Variants in PHF2 observed in about 807,000 individuals in gnomAD.
The protein encoded by PHF2 is PHD finger protein 2.
In PHF2, 27 loss-of-function variants were observed where a neutral mutation model predicts 120.5. The observed-to-expected ratio is 0.22, with a 90% confidence interval of 0.17 to 0.31. The LOEUF (loss-of-function observed/expected upper bound fraction) is 0.31. PHF2 is among the 10% of genes least tolerant of loss of function. The probability of loss-of-function intolerance (pLI) is 1.00; values close to 1 mark genes in which losing one functional copy is unlikely to be tolerated. For synonymous variants in PHF2, 568 were observed against 592.5 expected, an observed-to-expected ratio of 0.96 and a Z score of 0.60; for missense variants, 1,024 against 1,434.8, an observed-to-expected ratio of 0.71 and a Z score of 4.63.
In PHF2 at chr9:93,673,779, G is replaced by A. The variant is rs1170356168; in HGVS notation, c.2543G>A (p.Arg848Lys). 1.7e-5 allele frequency: 27 copies of A among 1,613,448 alleles called. No homozygotes were observed. Among genetic ancestry groups the A allele is most frequent in the Non-Finnish European group, 2.2e-5 (26 of 1,179,740 alleles). ...AGTGCAGGCAAACGACTGCTGAAGA[G>A]GGCTGCCAAGAACAGTGTCGACCTG... ...GKSAGKRLLK[R>K]AAKNSVDLDD... The change falls in exon 18 of 22, where the codon AGG becomes AAG. Residue 848 changes from arginine (R) to lysine (K), a missense_variant. Coordinates refer to ENST00000359246, the MANE Select transcript of PHF2 (RefSeq NM_005392.4).
intron 1 of PHF2, among the ~76,000 whole-genome samples, chr9:93,623,828 C>T (rs1298127487): frequency 6.6e-6 from 1 of 152,214 alleles, no homozygotes; most frequent in African/African-American, 2.4e-5. Context: ...TTTTTCTGGG[C>T]TTCATGCTCT....
Position 93,660,232 on chromosome 9 carries a change from C to T in PHF2, c.1370C>T (p.Ala457Val), listed in dbSNP as rs775514480. The T allele has an allele frequency of 6.3e-7, 1 of 1,594,220 alleles. No homozygotes were observed. The highest frequency in any genetic ancestry group is 2.2e-5 in the East Asian group (1 of 44,706). Residue 457 changes from alanine to valine, a missense_variant, in exon 12 of 22, where the codon GCC becomes GTC. Coordinates refer to ENST00000359246, the MANE Select transcript of PHF2 (RefSeq NM_005392.4). ...GTCCGACCGGAAGTGAATACTGTCG[C>T]CTCGTCAGATGAGGTGTGTGACGGG... ...KAVRPEVNTV[A>V]SSDEVCDGDR...
In PHF2 at chr9:93,645,638, CGTG is replaced by C; in HGVS notation, c.314_316del (p.Val105del). ...CTGTGCTTCCCTGCAGTGCTGAAGA[CGTG>C]GTGGCCCGTGTGCCAGGAAGTCAGC... On this transcript the variant is annotated inframe_deletion, in exon 4 of 22. Transcript: ENST00000359246. 6.3e-7 allele frequency: 1 copy of C among 1,597,430 alleles called. No homozygotes were observed. Among genetic ancestry groups the C allele is most frequent in the Non-Finnish European group, 8.5e-7 (1 of 1,170,222 alleles).
intron 1 of PHF2, among the ~76,000 whole-genome samples, chr9:93,581,713 G>A (rs1862933269): frequency 1.3e-5 from 2 of 152,306 alleles, no homozygotes; most frequent in Admixed American, 6.5e-5. Flanking sequence ...TGCAGCCCAC[G>A]TTTGTTTGGG....
At chr9:93,581,273 G>A (rs1459138321) in intron 1 of PHF2, among the ~76,000 whole-genome samples, 2 of 152,220 alleles carry the variant, frequency 1.3e-5, no homozygotes, top group South Asian at 2.1e-4. Context: ...ACCAGGCGGG[G>A]CTGTGGCCTC....
At chr9:93,628,182 C>G (rs149939995) in intron 1 of PHF2, among the ~76,000 whole-genome samples, 12 of 152,186 alleles carry the variant, frequency 7.9e-5, no homozygotes, top group Non-Finnish European at 1.8e-4. Context: ...ATTTTTACAT[C>G]AATATTCATT....
At chr9:93,668,106 A>G (rs1031215641) in intron 17 of PHF2, among the ~76,000 whole-genome samples, 1 of 152,244 alleles carries the variant, frequency 6.6e-6, no homozygotes, top group African/African-American at 2.4e-5. Flanking sequence ...AATTGGCCGT[A>G]CTTTCTTTCA....
At chr9:93,669,862 A>G (rs1826750071) in intron 17 of PHF2, among the ~76,000 whole-genome samples, 1 of 152,138 alleles carries the variant, frequency 6.6e-6, no homozygotes, top group Admixed American at 6.5e-5. Flanking sequence ...TGGTGGGGCC[A>G]CTGCCCTGGG....
chr9:93,582,741 T>C (rs1172041934), intron 1 of PHF2, among the ~76,000 whole-genome samples: 1 of 152,198 alleles, frequency 6.6e-6, no homozygotes, highest in East Asian at 1.9e-4. Context: ...TGAAAAATCT[T>C]TGTGGTATCT....
intron 1 of PHF2, among the ~76,000 whole-genome samples, chr9:93,592,983 A>G (rs368762811): frequency 1.3e-4 from 19 of 150,200 alleles, no homozygotes; most frequent in Admixed American, 8.7e-4. Flanking sequence ...CAAGAAGTCT[A>G]GGGCAGGGCA....
At chr9:93,645,305 C>T (rs1280721132) in intron 3 of PHF2, among the ~76,000 whole-genome samples, 2 of 152,156 alleles carry the variant, frequency 1.3e-5, no homozygotes, top group East Asian at 1.9e-4. Context: ...GGTTGGGGAG[C>T]GACCTTGCTC....
intron 1 of PHF2, among the ~76,000 whole-genome samples, chr9:93,618,730 CTGTG>C (rs1218165500): frequency 6.6e-6 from 1 of 150,868 alleles, no homozygotes; most frequent in East Asian, 2.0e-4. Context: ...GCTTGCACAC[CTGTG>C]TGTATGTGTG....
At chr9:93,651,265 C>T (rs147371925) in intron 5 of PHF2, among the ~76,000 whole-genome samples, 6 of 152,264 alleles carry the variant, frequency 3.9e-5, no homozygotes, top group African/African-American at 1.4e-4. Context: ...ATTTACTGCC[C>T]TGCCTGGGTT....
At chr9:93,645,886 C>A (rs1355583961) in intron 4 of PHF2, 97 bp downstream of exon 4, 2 of 1,365,660 alleles carry the variant, frequency 1.5e-6, no homozygotes, top group Non-Finnish European at 2.0e-6. Flanking sequence ...CTGGCTGTGT[C>A]CATGTGTGCC....
At chr9:93,628,863 G>A (rs1175867324) in intron 1 of PHF2, among the ~76,000 whole-genome samples, 1 of 152,048 alleles carries the variant, frequency 6.6e-6, no homozygotes, top group Non-Finnish European at 1.5e-5. Flanking sequence ...TAGTCTTGGG[G>A]GCTTCTTTAC....
At chr9:93,607,079 G>A (rs760116665) in intron 1 of PHF2, among the ~76,000 whole-genome samples, 5 of 152,020 alleles carry the variant, frequency 3.3e-5, no homozygotes, top group South Asian at 2.1e-4. Context: ...ATTCTTTCAC[G>A]AACACCACAC....
rs115474827 is a variant in PHF2 at position 93,649,705 on chromosome 9, C to T, written c.602+493C>T. ...CACACTCATGACACTCACACTGACTCATGGACACTCCAATGCATGAGACAT... is the reference window on the plus strand; with the variant it reads ...CACACTCATGACACTCACACTGACTTATGGACACTCCAATGCATGAGACAT... On this transcript the variant is annotated intron_variant, in intron 5 of 21. Transcript: ENST00000359246. Among the ~76,000 whole-genome samples the T allele has an allele frequency of 9.4e-3, 1,430 of 151,934 alleles. 29 individuals are homozygous for T. The highest frequency in any genetic ancestry group is 0.033 in the African/African-American group (1,370 of 41,420).
At chr9:93,623,874 A>G (rs1283248644) in intron 1 of PHF2, among the ~76,000 whole-genome samples, 1 of 152,250 alleles carries the variant, frequency 6.6e-6, no homozygotes, top group African/African-American at 2.4e-5. Flanking sequence ...GCTGTGGAAC[A>G]GAACACTCGT....
chr9:93,621,827 T>C (rs907392974), intron 1 of PHF2, among the ~76,000 whole-genome samples: 7 of 152,192 alleles, frequency 4.6e-5, no homozygotes. Context: ...TAAGGACATG[T>C]TGATTTCCAT....
Sources: gnomAD v4.1 joint callset for allele counts (sites outside exome capture counted in the v4.1 genomes callset) on GRCh38, gnomAD v4.1.1 for gene constraint, MANE v1.5 for transcripts, NCBI Gene and HGNC (gene_info 2026-07-23, HGNC 2026-07-21) for gene names.